COPG2: variants seen among roughly 807,000 people sequenced by gnomAD.
COPG2 encodes the protein coatomer subunit gamma-2.
COPG2 carries 37 observed loss-of-function variants against 46.3 expected under a neutral mutation model. That is an observed-to-expected ratio of 0.80 (90% CI 0.61 to 1.05). COPG2 has a LOEUF of 1.05. COPG2 is among the 50% of genes least tolerant of loss of function. The pLI is 0.00. For missense variants in COPG2, 427 were observed against 387.8 expected (o/e 1.10, Z -0.85); for synonymous variants, 159 against 129.7 (o/e 1.23, Z -1.53).
intron 5 of COPG2, among the ~76,000 whole-genome samples, chr7:130,631,945 A>G (rs1359244058): frequency 6.6e-6 from 1 of 152,180 alleles, no homozygotes; most frequent in Non-Finnish European, 1.5e-5. Flanking sequence ...AGCGGTTTTT[A>G]AGTCTGAAAT....
rs144674684 is a variant in COPG2, at chr7:130,603,375, T to C, written c.737+7578A>G. Among the ~76,000 whole-genome samples the C allele has an allele frequency of 1.0e-3, 156 of 152,324 alleles. 1 individual carries two copies. Among genetic ancestry groups the C allele is most frequent in the Middle Eastern group, 3.4e-3 (1 of 292 alleles). On this transcript the variant is annotated intron_variant, in intron 9 of 23. Coordinates refer to ENST00000425248, the MANE Select transcript of COPG2 (RefSeq NM_012133.6). ...TGTATACTATCTGACTATATGAATA[T>C]ACCACAATTTATTTTTTGATTCTGG...
At chr7:130,603,539 G>C (rs1267945993) in intron 9 of COPG2, among the ~76,000 whole-genome samples, 2 of 151,874 alleles carry the variant, frequency 1.3e-5, no homozygotes, top group Admixed American at 1.3e-4. Flanking sequence ...GGCGAACATG[G>C]TCACACTCCG....
At chr7:130,571,019 C>G (rs1056674575) in intron 9 of COPG2, among the ~76,000 whole-genome samples, 7 of 152,166 alleles carry the variant, frequency 4.6e-5, no homozygotes, top group Non-Finnish European at 2.9e-5. Context: ...GAAACTGGAT[C>G]CTCATCTCTC....
intron 9 of COPG2, chr7:130,603,950 A>T (rs1794684145): frequency 4.4e-6 from 2 of 449,716 alleles, no homozygotes; most frequent in Non-Finnish European, 8.9e-6. Context: ...TATATGTAAT[A>T]TATATTGTAT....
At chr7:130,539,217 G>A (rs1401283749) in intron 20 of COPG2, among the ~76,000 whole-genome samples, 3 of 152,164 alleles carry the variant, frequency 2.0e-5, no homozygotes, top group East Asian at 1.9e-4. Context: ...ATGGGCAGGG[G>A]TGCATGGGCT....
chr7:130,604,652 G>T, intron 9 of COPG2: 2 of 484,808 alleles, frequency 4.1e-6, no homozygotes, highest in South Asian at 1.6e-5. Context: ...CAAATTTTTA[G>T]GTATTTTATT....
chr7:130,666,751 TTAAAA>T, intron 3 of COPG2, 93 bp downstream of exon 3: 1 of 651,868 alleles, frequency 1.5e-6, no homozygotes, highest in Admixed American at 3.3e-5. Context: ...TTAAGTGAAT[TTAAAA>T]TAAATAAATA....
intron 5 of COPG2, among the ~76,000 whole-genome samples, chr7:130,630,267 T>C (rs782379335): frequency 1.3e-5 from 2 of 152,192 alleles, no homozygotes; most frequent in Non-Finnish European, 2.9e-5. Context: ...TTAGTCTATA[T>C]ATCTTATACA....
At chr7:130,620,294 C>T (rs1795016349) in intron 5 of COPG2, among the ~76,000 whole-genome samples, 2 of 152,070 alleles carry the variant, frequency 1.3e-5, no homozygotes, top group African/African-American at 4.8e-5. Flanking sequence ...ACAAAGACTC[C>T]TGCCCTCAAC....
At chr7:130,643,270 G>T (rs1795526523) in intron 5 of COPG2, among the ~76,000 whole-genome samples, 1 of 151,688 alleles carries the variant, frequency 6.6e-6, no homozygotes. Context: ...ACTCCAGCCT[G>T]GGCGACAGAG....
intron 5 of COPG2, among the ~76,000 whole-genome samples, chr7:130,618,685 T>C (rs1401706762): frequency 6.6e-6 from 1 of 152,202 alleles, no homozygotes; most frequent in Non-Finnish European, 1.5e-5. Flanking sequence ...ATATTATTCA[T>C]ATCTTTTTTA....
intron 9 of COPG2, among the ~76,000 whole-genome samples, chr7:130,577,015 G>A (rs1428992375): frequency 6.6e-6 from 1 of 152,080 alleles, no homozygotes; most frequent in Non-Finnish European, 1.5e-5. Flanking sequence ...AAACCTGGAA[G>A]AAATGAATAA....
At chr7:130,512,748 A>C (rs537691378) in intron 20 of COPG2, among the ~76,000 whole-genome samples, 1 of 152,144 alleles carries the variant, frequency 6.6e-6, no homozygotes, top group Non-Finnish European at 1.5e-5. Flanking sequence ...CCGTCTCAAA[A>C]AAAGAAAAAA....
At chr7:130,642,736 C>G (rs903239421) in intron 5 of COPG2, among the ~76,000 whole-genome samples, 5 of 152,254 alleles carry the variant, frequency 3.3e-5, no homozygotes, top group Non-Finnish European at 5.9e-5. Flanking sequence ...AAAAATAAAC[C>G]TAACGGCTGA....
At chr7:130,527,035 G>A (rs1584963669) in intron 20 of COPG2, among the ~76,000 whole-genome samples, 3 of 151,778 alleles carry the variant, frequency 2.0e-5, no homozygotes, top group Admixed American at 1.3e-4. Flanking sequence ...GTTGACTACT[G>A]GGGGTGATGG....
At chr7:130,560,167 C>T (rs1291641993) in intron 12 of COPG2, among the ~76,000 whole-genome samples, 3 of 152,006 alleles carry the variant, frequency 2.0e-5, no homozygotes, top group Non-Finnish European at 4.4e-5. Context: ...AGCAAGGTTA[C>T]AGGATACCAA....
At chr7:130,651,929 C>T (rs1023342780) in intron 5 of COPG2, among the ~76,000 whole-genome samples, 1 of 152,098 alleles carries the variant, frequency 6.6e-6, no homozygotes, top group African/African-American at 2.4e-5. Context: ...GGATTACAGG[C>T]ATGAGCCACC....
intron 9 of COPG2, among the ~76,000 whole-genome samples, chr7:130,572,347 C>T (rs1311464525): frequency 6.6e-6 from 1 of 152,130 alleles, no homozygotes; most frequent in Non-Finnish European, 1.5e-5. Flanking sequence ...AAGACTTGAA[C>T]AACATGATCA....
intron 9 of COPG2, among the ~76,000 whole-genome samples, chr7:130,605,537 T>C (rs989819264): frequency 6.6e-6 from 1 of 152,204 alleles, no homozygotes; most frequent in Admixed American, 6.5e-5. Flanking sequence ...TATTGCTGGC[T>C]CTGACACGTA....
Sources: gnomAD v4.1 joint callset for allele counts (sites outside exome capture counted in the v4.1 genomes callset) on GRCh38, gnomAD v4.1.1 for gene constraint, MANE v1.5 for transcripts, NCBI Gene and HGNC (gene_info 2026-07-23, HGNC 2026-07-21) for gene names.